Variants in ADGRV1 observed in about 807,000 individuals in gnomAD.
The protein encoded by ADGRV1 is G-protein coupled receptor 98.
A neutral mutation model predicts 596.2 loss-of-function variants in ADGRV1; 359 were observed. The observed-to-expected ratio is 0.60, with a 90% CI of 0.55 to 0.66. The LOEUF (loss-of-function observed/expected upper bound fraction) is 0.66, where lower values mean the gene tolerates loss of function less well. Among genes scored for constraint, ADGRV1 ranks in the 30% least tolerant of loss-of-function variants. The pLI is 0.00. For missense variants in ADGRV1, 7,274 were observed against 7,575.6 expected, an observed-to-expected ratio of 0.96 and a Z score of 1.48; for synonymous variants, 2,681 against 2,679.2, an observed-to-expected ratio of 1.00 and a Z score of -0.02.
intron 76 of ADGRV1, among the ~76,000 whole-genome samples, chr5:90,824,504 G>A (rs1304439688): frequency 6.6e-6 from 1 of 152,168 alleles, no homozygotes; most frequent in Non-Finnish European, 1.5e-5. Context: ...TTAAAGCCTG[G>A]AATCCCCACT....
chr5:91,126,828 AG>A (rs1793800456), intron 87 of ADGRV1, among the ~76,000 whole-genome samples: 1 of 152,172 alleles, frequency 6.6e-6, no homozygotes, highest in Admixed American at 6.5e-5. Flanking sequence ...TTGTGGATTT[AG>A]GAAGGGCAGA....
chr5:90,691,915 A>G (rs919383983), intron 31 of ADGRV1, among the ~76,000 whole-genome samples: 4 of 152,206 alleles, frequency 2.6e-5, no homozygotes, highest in African/African-American at 9.6e-5. Context: ...GTATCAGTGG[A>G]AAAGTTAATC....
intron 2 of ADGRV1, among the ~76,000 whole-genome samples, chr5:90,616,398 A>T (rs745631483): frequency 2.6e-5 from 4 of 152,152 alleles, no homozygotes; most frequent in Non-Finnish European, 5.9e-5. Context: ...GTTTATGATG[A>T]CTAAAACATT....
At chr5:90,640,032 A>G (rs1766761516) in intron 11 of ADGRV1, among the ~76,000 whole-genome samples, 1 of 152,208 alleles carries the variant, frequency 6.6e-6, no homozygotes, top group Non-Finnish European at 1.5e-5. Flanking sequence ...TTCAAATAAC[A>G]TGCTGGTTAA....
chr5:90,704,614 C>T, intron 36 of ADGRV1, 126 bp downstream of exon 36: 1 of 570,272 alleles, frequency 1.8e-6, no homozygotes, highest in Non-Finnish European at 3.1e-6. Context: ...TTATGTGTCC[C>T]CTAGAAATGT....
chr5:90,634,512 A>G (rs562435597), intron 9 of ADGRV1, among the ~76,000 whole-genome samples: 63 of 152,356 alleles, frequency 4.1e-4, no homozygotes, highest in African/African-American at 1.5e-3. Flanking sequence ...GTAAAGATGC[A>G]TGAAGTTATA....
intron 11 of ADGRV1, among the ~76,000 whole-genome samples, chr5:90,640,150 C>T (rs920106200): frequency 1.2e-4 from 18 of 152,036 alleles, no homozygotes; most frequent in African/African-American, 4.3e-4. Context: ...ATAAATGGTG[C>T]ATTTGACTTT....
At chr5:90,563,883 A>G (rs572510229) in intron 1 of ADGRV1, among the ~76,000 whole-genome samples, 2 of 152,314 alleles carry the variant, frequency 1.3e-5, no homozygotes, top group South Asian at 4.1e-4. Context: ...GTATACACTC[A>G]TATTTCTCTG....
At chr5:90,660,682 C>T (rs569482328) in intron 21 of ADGRV1, among the ~76,000 whole-genome samples, 1 of 152,044 alleles carries the variant, frequency 6.6e-6, no homozygotes, top group East Asian at 1.9e-4. Context: ...ACAGCCTAGG[C>T]AACATAGTGA....
In ADGRV1 at chr5:90,907,575, C is replaced by T. The variant is rs73771116; in HGVS notation, c.17856+43718C>T. 4.9e-3 allele frequency among the ~76,000 whole-genome samples: 746 copies of T among 152,030 alleles called. 6 individuals are homozygous for T. Among genetic ancestry groups the T allele is most frequent in the African/African-American group, 0.016 (682 of 41,448 alleles). Reference sequence around the variant, plus strand: ...CTCATATCTTTTTCCTTGTGGATTCCGCAATCCAAATTTTGCCCTTCTGCC... The same window carrying T: ...CTCATATCTTTTTCCTTGTGGATTCTGCAATCCAAATTTTGCCCTTCTGCC... On this transcript the variant is annotated intron_variant, in intron 83 of 89. Transcript: ENST00000405460.
At chr5:90,560,683 A>G (rs546483224) in intron 1 of ADGRV1, among the ~76,000 whole-genome samples, 1 of 152,290 alleles carries the variant, frequency 6.6e-6, no homozygotes, top group East Asian at 1.9e-4. Flanking sequence ...GAGTCTTCAT[A>G]CCATTAAATA....
intron 26 of ADGRV1, among the ~76,000 whole-genome samples, chr5:90,680,809 C>T (rs1744834980): frequency 6.6e-6 from 1 of 152,096 alleles, no homozygotes; most frequent in Non-Finnish European, 1.5e-5. Context: ...ATCTTTTTAG[C>T]TACAGAATGG....
chr5:91,100,470 C>T (rs538312714), intron 86 of ADGRV1, among the ~76,000 whole-genome samples: 1 of 142,108 alleles, frequency 7.0e-6, no homozygotes, highest in Non-Finnish European at 1.5e-5. Flanking sequence ...AGAAAGAAAA[C>T]AAAAAAGGAA....
At chr5:90,982,733 T>C (rs1051835253) in intron 84 of ADGRV1, among the ~76,000 whole-genome samples, 5 of 89,848 alleles carry the variant, frequency 5.6e-5, no homozygotes, top group African/African-American at 2.2e-4. Context: ...TCAGTGTAGA[T>C]GATTGGCTCA....
At position 90,674,233 on chromosome 5, in the gene ADGRV1, T is replaced by C; in HGVS notation, c.5109T>C (p.Tyr1703=). Residue 1703 remains tyrosine (Y), a splice_region_variant and synonymous_variant, in exon 23 of 90, where the codon TAT becomes TAC. Coordinates refer to ENST00000405460, the MANE Select transcript of ADGRV1 (RefSeq NM_032119.4). The stretch of plus-strand genomic sequence containing the variant: ...CCATCAAAGCTAGTGATCATCCATA[T>C]GGTAACCTGCTCCTTTTGCAAGAAA... ...DITIKASDHP[Y]GLLQFSTGLP... 6.3e-7 allele frequency: 1 copy of C among 1,583,196 alleles called. No individual in the cohort carries two copies. Among genetic ancestry groups the C allele is most frequent in the Non-Finnish European group, 8.6e-7 (1 of 1,165,674 alleles).
chr5:90,806,554 T>C (rs1761919940), intron 72 of ADGRV1, among the ~76,000 whole-genome samples: 1 of 152,238 alleles, frequency 6.6e-6, no homozygotes, highest in South Asian at 2.1e-4. Flanking sequence ...CTAGGGTGTT[T>C]GCAAAAATTT....
At chr5:90,804,739 T>C (rs1347782261) in intron 71 of ADGRV1, among the ~76,000 whole-genome samples, 2 of 152,188 alleles carry the variant, frequency 1.3e-5, no homozygotes, top group East Asian at 1.9e-4. Flanking sequence ...CCTGGGAACG[T>C]TGCACATAAA....
chr5:91,098,674 T>C (rs1342078653), intron 86 of ADGRV1, among the ~76,000 whole-genome samples: 2 of 151,912 alleles, frequency 1.3e-5, no homozygotes, highest in Non-Finnish European at 2.9e-5. Context: ...ACTATACTTT[T>C]CTGCAGAATT....
At chr5:90,822,407 G>C (rs1763645944) in intron 75 of ADGRV1, among the ~76,000 whole-genome samples, 1 of 152,156 alleles carries the variant, frequency 6.6e-6, no homozygotes, top group African/African-American at 2.4e-5. Flanking sequence ...CTGTAGACCG[G>C]AGCTGTTCCT....
Sources: allele counts gnomAD v4.1 joint callset (sites outside exome capture counted in the v4.1 genomes callset), GRCh38; gene constraint gnomAD v4.1.1; transcripts MANE v1.5; gene names NCBI Gene and HGNC (gene_info 2026-07-23, HGNC 2026-07-21).